The following ADORA2B variants were observed in gnomAD, a reference collection of about 807,000 sequenced individuals.
ADORA2B encodes adenosine receptor A2b.
In ADORA2B, 18 loss-of-function variants were observed where a neutral mutation model predicts 20.8. That is an observed-to-expected ratio of 0.87 (90% CI 0.60 to 1.29). The LOEUF (loss-of-function observed/expected upper bound fraction) is 1.29, where lower values mean the gene tolerates loss of function less well. ADORA2B is among the 50% of genes most tolerant of loss of function. The pLI, the probability that ADORA2B is intolerant of heterozygous loss-of-function variation, is 0.00. For synonymous variants in ADORA2B, 179 were observed against 178.3 expected, an observed-to-expected ratio of 1.00 and a Z score of -0.03; for missense variants, 441 against 422.7, an observed-to-expected ratio of 1.04 and a Z score of -0.38.
In ADORA2B at chr17:15,975,402, G is replaced by C; in HGVS notation, c.*60G>C. 2.6e-6 allele frequency: 4 copies of C among 1,536,708 alleles called. No homozygotes were observed. Among genetic ancestry groups the C allele is most frequent in the Non-Finnish European group, 3.5e-6 (4 of 1,139,526 alleles). ...ATCCACAAGAAACAAAGAGGACACG[G>C]CTGGTTTTCATTGTGAAAGATAGCT... On this transcript the variant is annotated 3_prime_UTR_variant, in exon 2 of 2. Transcript: ENST00000304222.
chr17:15,890,219 A>G, the ADORA2B span, among the ~76,000 whole-genome samples: 237 of 129,546 alleles, frequency 1.8e-3, 70 homozygotes, highest in Middle Eastern at 7.4e-3. Flanking sequence ...GTGAGTGAAC[A>G]TGATACTTTA....
upstream of ADORA2B, among the ~76,000 whole-genome samples, chr17:15,940,370 G>C (rs1201003791): frequency 6.6e-6 from 1 of 152,206 alleles, no homozygotes; most frequent in Non-Finnish European, 1.5e-5. Context: ...AGCGGAGCCA[G>C]TCCCAAGCTT....
chr17:15,953,734 C>T (rs557991596), intron 1 of ADORA2B, among the ~76,000 whole-genome samples: 47 of 152,308 alleles, frequency 3.1e-4, no homozygotes, highest in African/African-American at 1.1e-3. Flanking sequence ...TTCTGTGAGC[C>T]GCGCTGTTAC....
At chr17:15,918,565 G>T in the ADORA2B span, among the ~76,000 whole-genome samples, 1 of 152,118 alleles carries the variant, frequency 6.6e-6, no homozygotes, top group East Asian at 1.9e-4. Flanking sequence ...TCCGCCTTCC[G>T]GATTCAAGCG....
At chr17:15,969,601 CG>C (rs1363051146) in intron 1 of ADORA2B, among the ~76,000 whole-genome samples, 1 of 152,218 alleles carries the variant, frequency 6.6e-6, no homozygotes, top group Admixed American at 6.5e-5. Context: ...AATGCAAATG[CG>C]TAGGGGGAAA....
chr17:15,942,634 G>A (rs1969754551), upstream of ADORA2B, among the ~76,000 whole-genome samples: 1 of 152,074 alleles, frequency 6.6e-6, no homozygotes, highest in South Asian at 2.1e-4. Context: ...GCAGCTGCAG[G>A]GCGTGCAGGA....
At chr17:15,869,306 C>G in the ADORA2B span, among the ~76,000 whole-genome samples, 1 of 150,862 alleles carries the variant, frequency 6.6e-6, no homozygotes, top group African/African-American at 2.4e-5. Flanking sequence ...GGTGACAGAA[C>G]GAGACTCCAT....
chr17:15,922,437 A>G, the ADORA2B span, among the ~76,000 whole-genome samples: 1 of 152,142 alleles, frequency 6.6e-6, no homozygotes, highest in Non-Finnish European at 1.5e-5. Context: ...ATGGTATTCT[A>G]TTATATGGGT....
chr17:15,874,038 A>ATGTG, the ADORA2B span, among the ~76,000 whole-genome samples: 4,556 of 131,250 alleles, frequency 0.035, 244 homozygotes, highest in African/African-American at 0.14. Context: ...CTGTATATAT[A>ATGTG]TGTGTATATA....
rs570632774 is a variant in ADORA2B, at chr17:15,967,231, C to CT, written c.336-7434dup. Among the ~76,000 whole-genome samples the CT allele has an allele frequency of 9.2e-3, 1,283 of 139,228 alleles. 11 individuals are homozygous for CT. Among genetic ancestry groups the CT allele is most frequent in the Non-Finnish European group, 0.014 (919 of 63,742 alleles). 91.3% of individuals were successfully genotyped at this position (139,228 alleles called of 152,430 possible). A position where few individuals can be genotyped will look rare whatever the true frequency, so the allele number is the denominator to read the frequency against. ...GCCCAGTGCAGGGACACCTGCTTGC[C>CT]TTTTTTTTTTTTTTCGAGATGGAGT... is the stretch of plus-strand genomic sequence containing the variant. On this transcript the variant is annotated intron_variant, in intron 1 of 1. Transcript: ENST00000304222.
chr17:15,904,641 G>T, the ADORA2B span, among the ~76,000 whole-genome samples: 1 of 152,106 alleles, frequency 6.6e-6, no homozygotes, highest in Admixed American at 6.5e-5. Flanking sequence ...CTCCCAAAGT[G>T]CTGGGATTAC....
chr17:15,936,172 C>T, the ADORA2B span, among the ~76,000 whole-genome samples: 1 of 152,102 alleles, frequency 6.6e-6, no homozygotes, highest in South Asian at 2.1e-4. Context: ...GCATGAGCCA[C>T]CACACCTGGC....
the ADORA2B span, among the ~76,000 whole-genome samples, chr17:15,866,694 T>TCGGCCG: frequency 7.0e-6 from 1 of 143,792 alleles, no homozygotes; most frequent in African/African-American, 2.7e-5. Flanking sequence ...TCCCTCTGCC[T>TCGGCCG]CTGCCTCTGC....
the ADORA2B span, among the ~76,000 whole-genome samples, chr17:15,921,092 G>A: frequency 3.9e-5 from 6 of 152,236 alleles, no homozygotes; most frequent in African/African-American, 1.2e-4. Flanking sequence ...TGGGGCACCC[G>A]TGTGAGTTTT....
intron 1 of ADORA2B, among the ~76,000 whole-genome samples, chr17:15,959,201 C>T (rs963347429): frequency 1.3e-5 from 2 of 152,120 alleles, no homozygotes; most frequent in Non-Finnish European, 2.9e-5. Context: ...AAAATGCCTC[C>T]TAAATTTGGC....
At chr17:15,973,465 A>G (rs970550791) in intron 1 of ADORA2B, among the ~76,000 whole-genome samples, 1 of 152,078 alleles carries the variant, frequency 6.6e-6, no homozygotes, top group Admixed American at 6.6e-5. Flanking sequence ...GGGTTCCTCA[A>G]CCCCTGGGCT....
chr17:15,930,707 C>CTTT, the ADORA2B span, among the ~76,000 whole-genome samples: 5 of 152,218 alleles, frequency 3.3e-5, no homozygotes, highest in Admixed American at 2.6e-4. Flanking sequence ...GGGCACTTAG[C>CTTT]TTAGCCCAGG....
the ADORA2B span, among the ~76,000 whole-genome samples, chr17:15,930,368 C>T: frequency 6.6e-6 from 1 of 151,162 alleles, no homozygotes; most frequent in Non-Finnish European, 1.5e-5. Context: ...GTGATCTCAG[C>T]TCACTGCAGC....
chr17:15,948,794 C>T (rs1267752675), intron 1 of ADORA2B, among the ~76,000 whole-genome samples: 1 of 152,182 alleles, frequency 6.6e-6, no homozygotes, highest in East Asian at 1.9e-4. Flanking sequence ...CACATTGAGG[C>T]TTTTCTCTGT....
Sources: allele counts gnomAD v4.1 joint callset (sites outside exome capture counted in the v4.1 genomes callset), GRCh38; gene constraint gnomAD v4.1.1; transcripts MANE v1.5; gene names NCBI Gene and HGNC (gene_info 2026-07-23, HGNC 2026-07-21).